ZNF91: variants seen among roughly 807,000 people sequenced by gnomAD.
ZNF91 encodes the protein zinc finger protein 91.
Under a neutral mutation model 12.6 loss-of-function variants are expected in ZNF91, and 7 were observed. That is an observed-to-expected ratio of 0.55 (90% CI 0.31 to 1.04). ZNF91 has a LOEUF of 1.04. ZNF91 is among the 50% of genes least tolerant of loss of function. The pLI is 0.05. For missense variants in ZNF91, 1,217 were observed against 1,385.4 expected, an observed-to-expected ratio of 0.88 and a Z score of 1.93; for synonymous variants, 453 against 462.6, an observed-to-expected ratio of 0.98 and a Z score of 0.27.
Position 23,373,767 on chromosome 19 carries a change from T to A in ZNF91, c.228A>T (p.Gln76His). 3 of 1,611,346 alleles carry A rather than the reference T, an allele frequency of 1.9e-6. No homozygotes were observed. The highest frequency in any genetic ancestry group is 2.5e-6 in the Non-Finnish European group (3 of 1,178,398). ...EQGKEPWNMKQHEMVDEPTGI... is the reference protein window; with the variant it reads ...EQGKEPWNMKHHEMVDEPTGI... ...CTGTGGGTTCATCCACCATCTCATG[T>A]TGCTTCATATTCCAGGGCTCTTTTC... Residue 76 changes from glutamine to histidine, a missense_variant, in exon 3 of 4, where the codon CAA (glutamine) becomes CAT (histidine). Around this residue, in one of 2 missense-constraint regions of ZNF91, gnomAD observed 726 missense variants for 895.5 expected, o/e 0.81. Coordinates refer to ENST00000300619, the MANE Select transcript of ZNF91 (RefSeq NM_003430.4).
At chr19:23,366,043 C>T (rs1968995563) in intron 3 of ZNF91, among the ~76,000 whole-genome samples, 1 of 152,264 alleles carries the variant, frequency 6.6e-6, no homozygotes, top group East Asian at 1.9e-4. Context: ...TCCACAAAAC[C>T]ACCACTGTCA....
chr19:23,353,004 A>G (rs1968404508), downstream of ZNF91, among the ~76,000 whole-genome samples: 2 of 152,256 alleles, frequency 1.3e-5, no homozygotes, highest in Admixed American at 6.5e-5. Flanking sequence ...GCAACACTGT[A>G]ATAGTGGCAA....
At position 23,322,108 on chromosome 19, in the gene ZNF91, G is replaced by A. The variant is rs371966698; in HGVS notation, n.117-13011C>T. 4.6e-5 allele frequency among the ~76,000 whole-genome samples: 7 copies of A among 152,098 alleles called. No homozygotes were observed. The South Asian group carries it at 6.2e-4, about 14-fold the overall frequency. On this transcript the variant is annotated intron_variant and non_coding_transcript_variant, in intron 1 of 1. Transcript: ENST00000596528. The stretch of plus-strand genomic sequence containing the variant: ...TGATGTGACTCTCCTCTCATGCATC[G>A]TCCCTGCCCCTTGGGGGTGATTGTG...
chr19:23,393,825 C>T (rs1970145593), intron 1 of ZNF91, among the ~76,000 whole-genome samples: 1 of 152,040 alleles, frequency 6.6e-6, no homozygotes, highest in Non-Finnish European at 1.5e-5. Flanking sequence ...CATAGTGAAA[C>T]CCTGTCTGTA....
rs1192488852 is a variant in ZNF91, at chr19:23,358,450, A to C, written c.*953T>G. On this transcript the variant is annotated 3_prime_UTR_variant, in exon 4 of 4. Coordinates refer to ENST00000300619, the MANE Select transcript of ZNF91 (RefSeq NM_003430.4). ...CTTACCTTTCCATAGAAAAGGTCAT[A>C]AATAATGCCTCTTCATATTTGTAAT... 6.6e-6 allele frequency: 1 copy of C among 152,210 alleles called. No individual in the cohort carries two copies. The highest frequency in any genetic ancestry group is 2.4e-5 in the African/African-American group (1 of 41,460). The allele number at this position is 152,210 out of a possible 1,614,324, so 9.4% of individuals were successfully genotyped here.
At chr19:23,354,159 A>G (rs1473195897), downstream of ZNF91, among the ~76,000 whole-genome samples, 6 of 152,176 alleles carry the variant, frequency 3.9e-5, no homozygotes, top group Non-Finnish European at 8.8e-5. Context: ...CTACAGACCA[A>G]TATCCTTGAT....
At chr19:23,386,828 TCTC>T (rs1969889296) in intron 1 of ZNF91, among the ~76,000 whole-genome samples, 1 of 151,794 alleles carries the variant, frequency 6.6e-6, no homozygotes, top group Non-Finnish European at 1.5e-5. Context: ...AAACTAAAAA[TCTC>T]CTTCAAAGAA....
At chr19:23,333,163 T>C (rs1357986179) in intron 1 of ZNF91, among the ~76,000 whole-genome samples, 2 of 152,316 alleles carry the variant, frequency 1.3e-5, no homozygotes, top group African/African-American at 4.8e-5. Flanking sequence ...CAAGGACCCA[T>C]ATGAAACCTC....
chr19:23,334,689 TC>T (rs1436833497), downstream of ZNF91, among the ~76,000 whole-genome samples: 1 of 152,200 alleles, frequency 6.6e-6, no homozygotes, highest in Non-Finnish European at 1.5e-5. Context: ...GGGACGGACT[TC>T]TTTTCTCTCA....
chr19:23,350,856 C>T (rs1361270922), intron 3 of ZNF91, among the ~76,000 whole-genome samples: 1 of 152,138 alleles, frequency 6.6e-6, no homozygotes, highest in African/African-American at 2.4e-5. Context: ...AACCCCTGCC[C>T]TGTCCTTACT....
intron 1 of ZNF91, among the ~76,000 whole-genome samples, chr19:23,329,893 G>C (rs1180525777): frequency 6.6e-6 from 1 of 152,104 alleles, no homozygotes; most frequent in Admixed American, 6.5e-5. Context: ...TTCCATCAAG[G>C]CATGCCTCAA....
intron 1 of ZNF91, among the ~76,000 whole-genome samples, chr19:23,332,303 A>T (rs763624663): frequency 6.6e-6 from 1 of 152,200 alleles, no homozygotes; most frequent in Non-Finnish European, 1.5e-5. Context: ...AGCAGAAGTC[A>T]TAAGATCTAA....
chr19:23,342,032 G>A, intron 3 of ZNF91: 1 of 299,678 alleles, frequency 3.3e-6, no homozygotes. Flanking sequence ...CTCCTATTTG[G>A]GAGCTAGAGA....
At chr19:23,321,553 C>T (rs1387380141) in intron 1 of ZNF91, among the ~76,000 whole-genome samples, 5 of 152,038 alleles carry the variant, frequency 3.3e-5, no homozygotes, top group Non-Finnish European at 5.9e-5. Context: ...TTCTCTTCTT[C>T]CTAGGTTCTG....
In ZNF91 at chr19:23,395,404, G is replaced by T. The variant is rs201488380; in HGVS notation, c.-50C>A. ...GCAGGTCACAGGGCCACACAGGCTGGGCCTCCTGGAGCAGAGGACACAGAG... is the reference window on the plus strand; with the variant it reads ...GCAGGTCACAGGGCCACACAGGCTGTGCCTCCTGGAGCAGAGGACACAGAG... On this transcript the variant is annotated 5_prime_UTR_variant, in exon 1 of 4. Coordinates refer to ENST00000300619, the MANE Select transcript of ZNF91 (RefSeq NM_003430.4). 1.2e-6 allele frequency: 2 copies of T among 1,608,512 alleles called. No individual in the cohort carries two copies. Among genetic ancestry groups the T allele is most frequent in the East Asian group, 2.2e-5 (1 of 44,792 alleles).
At chr19:23,316,455 G>A (rs1404014011) in intron 1 of ZNF91, among the ~76,000 whole-genome samples, 1 of 152,192 alleles carries the variant, frequency 6.6e-6, no homozygotes, top group East Asian at 1.9e-4. Flanking sequence ...TATTACTGAG[G>A]TGAGGTGACT....
rs375085251 is a variant in ZNF91, at chr19:23,374,614, A to G, written c.157+24T>C. 4.4e-6 allele frequency: 7 copies of G among 1,594,940 alleles called. No individual in the cohort carries two copies. The African/African-American group carries it at 5.4e-5, about 12-fold the overall frequency. ...GTAAAACCATTAGTTTATATTAGAA[A>G]CTTAGTATTAAAGTTTTCCTTACCC... On this transcript the variant is annotated intron_variant, in intron 2 of 3. Coordinates refer to ENST00000300619, the MANE Select transcript of ZNF91 (RefSeq NM_003430.4).
intron 3 of ZNF91, among the ~76,000 whole-genome samples, chr19:23,372,677 A>G (rs1450641780): frequency 2.6e-5 from 4 of 152,194 alleles, no homozygotes; most frequent in Non-Finnish European, 5.9e-5. Flanking sequence ...GCCCTTCCAG[A>G]GGCCTGGAGG....
chr19:23,344,091 T>C (rs1411148596), intron 3 of ZNF91, among the ~76,000 whole-genome samples: 2 of 152,020 alleles, frequency 1.3e-5, no homozygotes, highest in Non-Finnish European at 2.9e-5. Flanking sequence ...TCATAAATTA[T>C]TATTATTTAT....
Sources: gnomAD v4.1 joint callset for allele counts (sites outside exome capture counted in the v4.1 genomes callset) on GRCh38, gnomAD v4.1.1 for gene constraint, gnomAD v4.1.1 regional missense constraint, MANE v1.5 for transcripts, NCBI Gene and HGNC (gene_info 2026-07-23, HGNC 2026-07-21) for gene names.